The following FRMPD1 variants were observed in gnomAD, a reference collection of about 807,000 sequenced individuals.
The protein encoded by FRMPD1 is FERM and PDZ domain-containing protein 1.
FRMPD1 carries 76 observed loss-of-function variants against 117.8 expected under a neutral mutation model. The ratio of observed to expected loss-of-function variants is 0.65; its 90% CI spans 0.54 to 0.78. The LOEUF (loss-of-function observed/expected upper bound fraction) is 0.78, where lower values mean the gene tolerates loss of function less well. Ranked by LOEUF, FRMPD1 falls within the 30% of genes least tolerant of loss-of-function variation. FRMPD1 has a pLI of 0.00. For missense variants in FRMPD1, 1,786 were observed against 1,964.5 expected (o/e 0.91, Z 1.72); for synonymous variants, 783 against 770.4 (o/e 1.02, Z -0.27).
chr9:37,608,363 C>T, the FRMPD1 span, among the ~76,000 whole-genome samples: 1 of 145,394 alleles, frequency 6.9e-6, no homozygotes. Flanking sequence ...TACTTTCTTT[C>T]TTTCTCTTCT....
the FRMPD1 span, among the ~76,000 whole-genome samples, chr9:37,607,080 C>T: frequency 8.5e-5 from 13 of 152,150 alleles, no homozygotes; most frequent in South Asian, 2.3e-3. Flanking sequence ...TTTGGGAGGC[C>T]GGGGCGGGTG....
chr9:37,707,156 T>G (rs1822738021), intron 2 of FRMPD1, among the ~76,000 whole-genome samples: 1 of 152,200 alleles, frequency 6.6e-6, no homozygotes, highest in Non-Finnish European at 1.5e-5. Flanking sequence ...GCTCTCCCCC[T>G]TCTCTGTGTG....
chr9:37,683,623 G>C (rs962591548), intron 1 of FRMPD1, among the ~76,000 whole-genome samples: 35 of 152,194 alleles, frequency 2.3e-4, no homozygotes, highest in African/African-American at 2.9e-4. Flanking sequence ...AAAGCCTTTG[G>C]GGGGAACAAC....
chr9:37,631,792 C>T, the FRMPD1 span, among the ~76,000 whole-genome samples: 6 of 152,122 alleles, frequency 3.9e-5, no homozygotes, highest in African/African-American at 1.4e-4. Context: ...TTTGCAGAAA[C>T]AGGGTCTTGC....
the FRMPD1 span, among the ~76,000 whole-genome samples, chr9:37,629,180 T>C: frequency 4.0e-5 from 6 of 151,058 alleles, no homozygotes; most frequent in Non-Finnish European, 5.9e-5. Flanking sequence ...GCCTGGGTGA[T>C]AGAGCGAGAC....
chr9:37,729,755 C>T lies in FRMPD1; in HGVS notation c.640C>T (p.Leu214=). 1 of 1,614,016 alleles carries T rather than the reference C, an allele frequency of 6.2e-7. No homozygotes were observed. The highest frequency in any genetic ancestry group is 8.5e-7 in the Non-Finnish European group (1 of 1,179,878). ...CATCATCCTCACCGTGAAGGAGAAG[C>T]TGTCCATCCGAAGTATCGAGTACTT... The part of the protein sequence containing the change: ...KDIILTVKEK[L]SIRSIEYFAL... Residue 214 remains leucine, a synonymous_variant, in exon 8 of 16, where the codon CTG becomes TTG. Coordinates refer to ENST00000377765, the MANE Select transcript of FRMPD1 (RefSeq NM_014907.3).
At chr9:37,737,279 C>T (rs2118448352) in intron 14 of FRMPD1, 36 bp downstream of exon 14, 2 of 1,606,040 alleles carry the variant, frequency 1.2e-6, no homozygotes, top group Non-Finnish European at 1.7e-6. Flanking sequence ...AAGGACAGGC[C>T]CCTTTCACTG....
Position 37,745,868 on chromosome 9 carries a change from A to C in FRMPD1, c.3836A>C (p.Glu1279Ala), listed in dbSNP as rs967626357. ...LETSNHCLLS[E>A]GKSDSSSICL... ...ACTTCAAACCATTGCTTACTCTCAGAAGGCAAAAGTGACAGCTCTAGCATC... is the reference window on the plus strand; with the variant it reads ...ACTTCAAACCATTGCTTACTCTCAGCAGGCAAAAGTGACAGCTCTAGCATC... The change falls in exon 16 of 16, where the codon GAA becomes GCA. Residue 1279 changes from glutamate to alanine, a missense_variant. By Grantham distance (107) the Glu-to-Ala change is moderately radical (BLOSUM62 -1). Transcript: ENST00000377765. 4 of 1,614,074 alleles carry C rather than the reference A, an allele frequency of 2.5e-6. No individual in the cohort carries two copies. Among genetic ancestry groups the C allele is most frequent in the Non-Finnish European group, 3.4e-6 (4 of 1,180,034 alleles).
upstream of FRMPD1, among the ~76,000 whole-genome samples, chr9:37,647,373 G>A (rs569355788): frequency 9.6e-4 from 146 of 151,862 alleles, no homozygotes; most frequent in East Asian, 4.5e-3. Flanking sequence ...TTAACCGGGC[G>A]GGGTGGCGGG....
intron 4 of FRMPD1, among the ~76,000 whole-genome samples, chr9:37,711,016 G>T (rs1476799827): frequency 6.6e-6 from 1 of 151,650 alleles, no homozygotes; most frequent in Non-Finnish European, 1.5e-5. Flanking sequence ...GTCACTGGAT[G>T]AGTTCTTCAT....
intron 1 of FRMPD1, among the ~76,000 whole-genome samples, chr9:37,689,510 C>T (rs1021823695): frequency 2.0e-5 from 3 of 152,128 alleles, no homozygotes; most frequent in Admixed American, 6.6e-5. Context: ...TTCCCTAAGA[C>T]CTCTGTCTTC....
At chr9:37,718,290 T>C (rs761217623) in intron 5 of FRMPD1, among the ~76,000 whole-genome samples, 5 of 152,202 alleles carry the variant, frequency 3.3e-5, no homozygotes, top group Non-Finnish European at 7.3e-5. Flanking sequence ...TTGGTACTTT[T>C]ACACATGGAA....
chr9:37,613,255 T>G, the FRMPD1 span, among the ~76,000 whole-genome samples: 1 of 152,182 alleles, frequency 6.6e-6, no homozygotes. Context: ...TCAGTGAATA[T>G]ATACTGAGCA....
the FRMPD1 span, among the ~76,000 whole-genome samples, chr9:37,618,618 C>G: frequency 6.6e-6 from 1 of 152,150 alleles, no homozygotes; most frequent in Non-Finnish European, 1.5e-5. Flanking sequence ...CAGATTGGTC[C>G]AAATTAACCT....
rs1310008960 is a variant in FRMPD1 at position 37,746,869 on chromosome 9, A to G, written c.*100A>G. 2.7e-6 allele frequency: 2 copies of G among 750,400 alleles called. No individual in the cohort carries two copies. Among genetic ancestry groups the G allele is most frequent in the East Asian group, 5.2e-5 (2 of 38,818 alleles). 46.5% of individuals were successfully genotyped at this position (750,400 alleles called of 1,614,324 possible). ...CACCCACCCTCTTCAAATGTTTACT[A>G]TATAGAGTATTCAAATAAACTGCTG... is the stretch of plus-strand genomic sequence containing the variant. On this transcript the variant is annotated 3_prime_UTR_variant, in exon 16 of 16. Coordinates refer to ENST00000377765, the MANE Select transcript of FRMPD1 (RefSeq NM_014907.3).
chr9:37,659,818 G>C lies in FRMPD1; in HGVS notation c.-5+8724G>C, dbSNP rs1820943208. 2.6e-5 allele frequency among the ~76,000 whole-genome samples: 4 copies of C among 151,114 alleles called. No homozygotes were observed. In the South Asian group the frequency reaches 8.4e-4, roughly 32 times the overall value. On this transcript the variant is annotated intron_variant, in intron 1 of 15. Coordinates refer to ENST00000377765, the MANE Select transcript of FRMPD1 (RefSeq NM_014907.3). ...CTTTAAGTGTGATCTCCAGTCTGCT[G>C]CTGGCTTCTGGGCTCTCCAAATGCA... is the stretch of plus-strand genomic sequence containing the variant.
At chr9:37,712,030 T>C (rs1395947482) in intron 5 of FRMPD1, among the ~76,000 whole-genome samples, 1 of 152,192 alleles carries the variant, frequency 6.6e-6, no homozygotes, top group Non-Finnish European at 1.5e-5. Context: ...GAAATTTTAA[T>C]AGTACTTCTT....
intron 5 of FRMPD1, among the ~76,000 whole-genome samples, chr9:37,716,805 A>T (rs1468088842): frequency 6.6e-6 from 1 of 152,016 alleles, no homozygotes. Flanking sequence ...ACCCATAGCT[A>T]TCTCTGGTCC....
chr9:37,727,296 G>A (rs1415609538), intron 7 of FRMPD1, among the ~76,000 whole-genome samples: 1 of 152,100 alleles, frequency 6.6e-6, no homozygotes, highest in Non-Finnish European at 1.5e-5. Context: ...CTTCTGTAAA[G>A]GGCCACATAG....
Sources: allele counts gnomAD v4.1 joint callset (sites outside exome capture counted in the v4.1 genomes callset), GRCh38; gene constraint gnomAD v4.1.1; transcripts MANE v1.5; gene names NCBI Gene and HGNC (gene_info 2026-07-23, HGNC 2026-07-21).